The following SLC16A4 variants were observed in gnomAD, a reference collection of about 807,000 sequenced individuals.
SLC16A4 encodes probable monocarboxylate transporter 5.
SLC16A4 carries 39 observed loss-of-function variants against 47.9 expected under a neutral mutation model. The observed-to-expected ratio is 0.81, with a 90% CI of 0.63 to 1.06. The LOEUF (loss-of-function observed/expected upper bound fraction) is 1.06. Ranked by LOEUF, SLC16A4 falls within the 50% of genes least tolerant of loss-of-function variation. The pLI is 0.00. For missense variants in SLC16A4, 524 were observed against 573.8 expected, an observed-to-expected ratio of 0.91 and a Z score of 0.89; for synonymous variants, 189 against 199.9, an observed-to-expected ratio of 0.95 and a Z score of 0.46.
chr1:110,370,368 TC>T (rs2100996935), intron 8 of SLC16A4: 1 of 152,228 alleles, frequency 6.6e-6, no homozygotes, highest in East Asian at 1.9e-4. Flanking sequence ...ATAGAGAAAT[TC>T]GCAATTGATA....
intron 8 of SLC16A4, among the ~76,000 whole-genome samples, chr1:110,367,144 C>A (rs1661440571): frequency 6.6e-6 from 1 of 152,196 alleles, no homozygotes; most frequent in Non-Finnish European, 1.5e-5. Context: ...AGCTTCGTTG[C>A]TATTGAAACA....
Position 110,363,599 on chromosome 1 carries a change from C to T in SLC16A4, c.*167G>A. On this transcript the variant is annotated 3_prime_UTR_variant, in exon 9 of 9. Coordinates refer to ENST00000369779, the MANE Select transcript of SLC16A4 (RefSeq NM_004696.3). ...CGAGATTGCGCCACTGCACTCCAGC[C>T]TGGGCGAAAGAGCGAGACTCCGTCT... 1.8e-6 allele frequency: 1 copy of T among 563,850 alleles called. No individual in the cohort carries two copies. The highest frequency in any genetic ancestry group is 2.7e-6 in the Non-Finnish European group (1 of 365,112). The allele number at this position is 563,850 out of a possible 1,614,324, so 34.9% of individuals were successfully genotyped here. A position where few individuals can be genotyped will look rare whatever the true frequency, so the allele number is the denominator to read the frequency against.
Position 110,363,658 on chromosome 1 carries a change from CAT to C in SLC16A4, c.*106_*107del, listed in dbSNP as rs370655224. On this transcript the variant is annotated 3_prime_UTR_variant, in exon 9 of 9. Coordinates refer to ENST00000369779, the MANE Select transcript of SLC16A4 (RefSeq NM_004696.3). ...AAAAAAAAAAAATTGTTTTCCTTCT[CAT>C]GTTACAAATGTAGATGCGATGTGTT... is the stretch of plus-strand genomic sequence containing the variant. The C allele has an allele frequency of 9.0e-6, 9 of 1,002,546 alleles. No homozygotes were observed. In the African/African-American group the frequency reaches 1.2e-4, roughly 13 times the overall value. The allele number at this position is 1,002,546 out of a possible 1,614,324, so 62.1% of individuals were successfully genotyped here.
intron 8 of SLC16A4, among the ~76,000 whole-genome samples, chr1:110,368,136 A>G (rs1661495950): frequency 6.6e-6 from 1 of 152,186 alleles, no homozygotes; most frequent in Non-Finnish European, 1.5e-5. Context: ...CCAAGTAAAT[A>G]TTTTTAAAAG....
chr1:110,370,867 T>C (rs1661651959), intron 8 of SLC16A4: 1 of 152,144 alleles, frequency 6.6e-6, no homozygotes, highest in Non-Finnish European at 1.5e-5. Flanking sequence ...CAATTAAAGG[T>C]AAGAAAATAA....
At position 110,377,124 on chromosome 1, in the gene SLC16A4, C is replaced by A; in HGVS notation, c.1068G>T (p.Trp356Cys). The change falls in exon 7 of 9, where the codon TGG (tryptophan) becomes TGT (cysteine). Residue 356 changes from tryptophan to cysteine, a missense_variant. Coordinates refer to ENST00000369779, the MANE Select transcript of SLC16A4 (RefSeq NM_004696.3). ...TCTTAATCCAGTTTTGATCAGCAACCCATCCAGAAATAATCTGACTGACCG... is the reference window on the plus strand; with the variant it reads ...TCTTAATCCAGTTTTGATCAGCAACACATCCAGAAATAATCTGACTGACCG... ...LETVSQIISGWVADQNWIKKY... is the reference protein window; with the variant it reads ...LETVSQIISGCVADQNWIKKY... 2 of 1,614,076 alleles carry A rather than the reference C, an allele frequency of 1.2e-6. No individual in the cohort carries two copies. The highest frequency in any genetic ancestry group is 1.1e-5 in the South Asian group (1 of 91,062).
At chr1:110,383,768 GTT>G (rs35791840) in intron 2 of SLC16A4, among the ~76,000 whole-genome samples, 47 of 97,064 alleles carry the variant, frequency 4.8e-4, no homozygotes, top group African/African-American at 7.5e-4. Context: ...GGAAGGAAGT[GTT>G]TTTTTTTTTT....
Position 110,381,815 on chromosome 1 carries a change from G to T in SLC16A4, c.221-20C>A, listed in dbSNP as rs113925026. Reference sequence around the variant, plus strand: ...GGGGACCTTAAGAGAAGAAAGAAAGGCAATTCTTAGGTAAATAATGATCTG... The same window carrying T: ...GGGGACCTTAAGAGAAGAAAGAAAGTCAATTCTTAGGTAAATAATGATCTG... On this transcript the variant is annotated intron_variant, in intron 3 of 8. Transcript: ENST00000369779. The T allele has an allele frequency of 5.1e-5, 82 of 1,604,066 alleles. 2 individuals are homozygous for T. The African/African-American group carries it at 7.8e-4, about 15-fold the overall frequency.
At chr1:110,379,426 T>C in intron 5 of SLC16A4, 70 bp from the exon 6 acceptor site, 1 of 1,428,456 alleles carries the variant, frequency 7.0e-7, no homozygotes, top group South Asian at 1.4e-5. Flanking sequence ...GTTCATAGGC[T>C]CAGAAGAGGC....
intron 8 of SLC16A4, among the ~76,000 whole-genome samples, chr1:110,373,261 G>T (rs1365320405): frequency 6.6e-6 from 1 of 152,114 alleles, no homozygotes; most frequent in South Asian, 2.1e-4. Context: ...CTATGCCCTT[G>T]TATTTGTTAC....
chr1:110,382,384 G>A (rs1163217804), intron 3 of SLC16A4, among the ~76,000 whole-genome samples: 1 of 152,040 alleles, frequency 6.6e-6, no homozygotes, highest in Non-Finnish European at 1.5e-5. Flanking sequence ...GCTTGAACCT[G>A]GGAGGCAGAG....
intron 8 of SLC16A4, among the ~76,000 whole-genome samples, chr1:110,365,051 G>GT (rs1343508801): frequency 6.6e-6 from 1 of 152,024 alleles, no homozygotes; most frequent in East Asian, 1.9e-4. Flanking sequence ...GGGTCTCAAG[G>GT]ATCTCTGGGG....
chr1:110,376,998 G>C lies in SLC16A4; in HGVS notation c.1194C>G (p.Cys398Trp). Residue 398 changes from cysteine to tryptophan, a missense_variant, in exon 7 of 9, where the codon TGC (cysteine) becomes TGG (tryptophan). Coordinates refer to ENST00000369779, the MANE Select transcript of SLC16A4 (RefSeq NM_004696.3). ...TFPLLMTYTI[C>W]FAIFAGGYLA... ...GGTAACCACCAGCAAAGATGGCAAA[G>C]CAGATGGTGTAGGTCATAAGTAGTG... The C allele has an allele frequency of 6.2e-7, 1 of 1,614,126 alleles. No homozygotes were observed. The highest frequency in any genetic ancestry group is 8.5e-7 in the Non-Finnish European group (1 of 1,180,002).
chr1:110,389,192 C>T (rs1266499922), intron 2 of SLC16A4, 45 bp downstream of exon 2: 5 of 1,481,268 alleles, frequency 3.4e-6, no homozygotes, highest in South Asian at 1.1e-5. Flanking sequence ...CTCCAGAAAG[C>T]CTGCTTTTAG....
chr1:110,379,266 G>C lies in SLC16A4; in HGVS notation c.617C>G (p.Ser206Cys). The C allele has an allele frequency of 6.2e-7, 1 of 1,614,090 alleles. No individual in the cohort carries two copies. Among genetic ancestry groups the C allele is most frequent in the Non-Finnish European group, 8.5e-7 (1 of 1,180,008 alleles). The change falls in exon 6 of 9, where the codon TCT (serine) becomes TGT (cysteine). Residue 206 changes from serine (S) to cysteine (C), a missense_variant. Ser to Cys is a moderately radical substitution (Grantham distance 112). Transcript: ENST00000369779. ...ACTGCTGCCTTTATCTTTAATACCA[G>C]AATTGTTCTCACTTTTGATATGGAT... ...RPIHIKSENNSGIKDKGSSLS... is the reference protein window; with the variant it reads ...RPIHIKSENNCGIKDKGSSLS...
At chr1:110,365,334 C>G (rs940567075) in intron 8 of SLC16A4, among the ~76,000 whole-genome samples, 1 of 151,868 alleles carries the variant, frequency 6.6e-6, no homozygotes, top group Non-Finnish European at 1.5e-5. Flanking sequence ...TTCATCTCCT[C>G]TTTGTTCTGT....
chr1:110,382,893 C>T lies in SLC16A4; in HGVS notation c.161G>A (p.Gly54Asp). The change falls in exon 3 of 9, where the codon GGC becomes GAC. Residue 54 changes from glycine (G) to aspartate (D), a missense_variant. Transcript: ENST00000369779. ...AATCCAACCAATTTGCTCTGAGGTG[C>T]CTTCAAACTCTTCTTGAAAGACCAC... Reference protein sequence around the residue: ...FFVVFQEEFEGTSEQIGWIGS... With the variant: ...FFVVFQEEFEDTSEQIGWIGS... 2 of 1,612,736 alleles carry T rather than the reference C, an allele frequency of 1.2e-6. No individual in the cohort carries two copies. Among genetic ancestry groups the T allele is most frequent in the East Asian group, 2.2e-5 (1 of 44,838 alleles).
intron 1 of SLC16A4, 48 bp downstream of exon 1, chr1:110,390,817 G>A (rs1663000390): frequency 6.6e-6 from 1 of 152,204 alleles, no homozygotes; most frequent in African/African-American, 2.4e-5. Flanking sequence ...AGAGATGCCA[G>A]TCGTTGTTAG....
intron 2 of SLC16A4, among the ~76,000 whole-genome samples, chr1:110,383,816 T>TG (rs55857699): frequency 0.24 from 26,262 of 108,562 alleles, 3,538 homozygotes; most frequent in Non-Finnish European, 0.3. Context: ...TTTTTTTTTT[T>TG]TTTTTTTTTT....
Sources: allele counts gnomAD v4.1 joint callset (sites outside exome capture counted in the v4.1 genomes callset), GRCh38; gene constraint gnomAD v4.1.1; transcripts MANE v1.5; gene names NCBI Gene and HGNC (gene_info 2026-07-23, HGNC 2026-07-21).